Variants in SYTL3 observed in about 807,000 individuals in gnomAD.
The protein encoded by SYTL3 is synaptotagmin-like protein 3.
A neutral mutation model predicts 82.1 loss-of-function variants in SYTL3; 88 were observed. The observed-to-expected ratio is 1.07, with a 90% CI of 0.90 to 1.28. The LOEUF (loss-of-function observed/expected upper bound fraction) is 1.28. SYTL3 is among the 50% of genes most tolerant of loss of function. The pLI, the probability that SYTL3 is intolerant of heterozygous loss-of-function variation, is 0.00. For synonymous variants in SYTL3, 311 were observed against 289.4 expected (o/e 1.07, Z -0.76); for missense variants, 831 against 757.6 (o/e 1.10, Z -1.14).
intron 14 of SYTL3, among the ~76,000 whole-genome samples, chr6:158,759,555 C>T (rs979197386): frequency 9.2e-5 from 14 of 152,174 alleles, no homozygotes; most frequent in South Asian, 2.1e-4. Flanking sequence ...TATTTTGAGA[C>T]GGAGTTTTGC....
intron 11 of SYTL3, among the ~76,000 whole-genome samples, chr6:158,732,039 A>G (rs1785479174): frequency 6.6e-6 from 1 of 152,256 alleles, no homozygotes; most frequent in African/African-American, 2.4e-5. Context: ...AGGAAGACAT[A>G]GTAAGTTCCT....
chr6:158,690,995 C>T (rs1356443408), intron 6 of SYTL3, among the ~76,000 whole-genome samples: 1 of 152,148 alleles, frequency 6.6e-6, no homozygotes, highest in African/African-American at 2.4e-5. Context: ...GATTCAAATT[C>T]AACCTTCCTG....
At chr6:158,694,091 G>A (rs571552798) in intron 6 of SYTL3, among the ~76,000 whole-genome samples, 1 of 152,148 alleles carries the variant, frequency 6.6e-6, no homozygotes, top group Non-Finnish European at 1.5e-5. Context: ...AAAGAAGTGT[G>A]TGTCTTGGTA....
At position 158,664,883 on chromosome 6, in the gene SYTL3, G is replaced by A. The variant is rs889371239; in HGVS notation, c.111-512G>A. On this transcript the variant is annotated intron_variant, in intron 4 of 17. Coordinates refer to ENST00000611299, the MANE Select transcript of SYTL3 (RefSeq NM_001242394.2). ...TCTTTGCACTATGGCTATTTGTCTA[G>A]GGGAGTGGGCTGACCACTTATTAAA... 2.0e-5 allele frequency among the ~76,000 whole-genome samples: 3 copies of A among 148,678 alleles called. No individual in the cohort carries two copies. In the Admixed American group the frequency reaches 2.1e-4, roughly 10 times the overall value.
rs562340407 is a variant in SYTL3, at chr6:158,681,507, A to C, written c.330-1418A>C. ...AGCTTGGCTGACATGGCAAAAACCT[A>C]TCTCTACTAAAAATACAAAAATTAG... On this transcript the variant is annotated intron_variant, in intron 5 of 17. Coordinates refer to ENST00000611299, the MANE Select transcript of SYTL3 (RefSeq NM_001242394.2). 6.6e-5 allele frequency among the ~76,000 whole-genome samples: 10 copies of C among 152,162 alleles called. 1 individual carries two copies. In the South Asian group the frequency reaches 1.9e-3, roughly 28 times the overall value.
intron 1 of SYTL3, among the ~76,000 whole-genome samples, chr6:158,650,461 G>A (rs1320937437): frequency 6.6e-6 from 1 of 151,704 alleles, no homozygotes; most frequent in Admixed American, 6.6e-5. Context: ...TCTCTGAATC[G>A]ACTTTATTGT....
intron 12 of SYTL3, among the ~76,000 whole-genome samples, chr6:158,750,858 C>T (rs886088913): frequency 3.3e-5 from 5 of 152,118 alleles, no homozygotes; most frequent in African/African-American, 9.7e-5. Flanking sequence ...TGCAGTGGCG[C>T]GATCTCGGCT....
chr6:158,759,322 G>C (rs975340183), intron 14 of SYTL3, among the ~76,000 whole-genome samples: 1 of 152,212 alleles, frequency 6.6e-6, no homozygotes, highest in African/African-American at 2.4e-5. Flanking sequence ...GTTCCGCCTC[G>C]GTTTCTGGCC....
chr6:158,699,131 C>T (rs1159656274), intron 6 of SYTL3, among the ~76,000 whole-genome samples: 1 of 152,184 alleles, frequency 6.6e-6, no homozygotes, highest in African/African-American at 2.4e-5. Context: ...GAGGCCTAAC[C>T]ACACTGATGA....
chr6:158,744,066 G>A (rs908941161), intron 11 of SYTL3, among the ~76,000 whole-genome samples: 1 of 151,642 alleles, frequency 6.6e-6, no homozygotes, highest in Middle Eastern at 3.2e-3. Context: ...TTACAGGTAC[G>A]CGCCACTTGC....
At position 158,711,658 on chromosome 6, in the gene SYTL3, C is replaced by T. The variant is rs1782779033; in HGVS notation, c.517-2142C>T. Among the ~76,000 whole-genome samples, 3 of 152,320 alleles carry T rather than the reference C, an allele frequency of 2.0e-5. 1 individual carries two copies. The South Asian group carries it at 6.2e-4, about 32-fold the overall frequency. Reference sequence around the variant, plus strand: ...AGGAAAGTAAAGGAATAAAGAACGGCTACTCCATAGACAGAACAGCCCTGA... The same window carrying T: ...AGGAAAGTAAAGGAATAAAGAACGGTTACTCCATAGACAGAACAGCCCTGA... On this transcript the variant is annotated intron_variant, in intron 8 of 17. Coordinates refer to ENST00000611299, the MANE Select transcript of SYTL3 (RefSeq NM_001242394.2).
At chr6:158,686,426 G>C (rs1334866103) in intron 6 of SYTL3, among the ~76,000 whole-genome samples, 2 of 152,102 alleles carry the variant, frequency 1.3e-5, no homozygotes, top group Non-Finnish European at 2.9e-5. Flanking sequence ...TCCTGTTTCA[G>C]TAGAGTTGGG....
intron 11 of SYTL3, chr6:158,726,580 T>C: frequency 4.6e-6 from 1 of 217,318 alleles, no homozygotes; most frequent in Non-Finnish European, 1.0e-5. Flanking sequence ...TAAGGGCCAC[T>C]GAAGAACTGT....
intron 5 of SYTL3, among the ~76,000 whole-genome samples, chr6:158,678,317 T>C (rs1778292987): frequency 2.0e-5 from 3 of 152,188 alleles, no homozygotes; most frequent in Non-Finnish European, 4.4e-5. Context: ...TGCAGACCAA[T>C]TTTCTACTTC....
At chr6:158,697,107 A>G (rs1299189678) in intron 6 of SYTL3, among the ~76,000 whole-genome samples, 1 of 151,674 alleles carries the variant, frequency 6.6e-6, no homozygotes, top group African/African-American at 2.4e-5. Context: ...CCCAAAATGC[A>G]TCAAATACCT....
chr6:158,731,953 T>C (rs1351695669), intron 11 of SYTL3, among the ~76,000 whole-genome samples: 1 of 152,204 alleles, frequency 6.6e-6, no homozygotes, highest in Non-Finnish European at 1.5e-5. Flanking sequence ...AATTATGCCT[T>C]ATAAAGATTT....
intron 11 of SYTL3, among the ~76,000 whole-genome samples, chr6:158,745,049 A>G (rs543045877): frequency 9.9e-5 from 15 of 152,220 alleles, no homozygotes; most frequent in African/African-American, 3.1e-4. Flanking sequence ...AATGAGTGGC[A>G]GCACTAGCAT....
At chr6:158,762,418 T>G (rs1790101252) in intron 16 of SYTL3, among the ~76,000 whole-genome samples, 1 of 152,154 alleles carries the variant, frequency 6.6e-6, no homozygotes, top group African/African-American at 2.4e-5. Flanking sequence ...AAGCCAGTTT[T>G]GAAATCAAGC....
rs138380162 is a variant in SYTL3 at position 158,760,800 on chromosome 6, G to A, written c.1414+55G>A. ...TCTGTGTCATTGTCTGCAGAGCCTG[G>A]TGCTGCAGGCAGACTGAGGTGGGGT... On this transcript the variant is annotated intron_variant, in intron 15 of 17. Transcript: ENST00000611299. 995 of 1,426,890 alleles carry A rather than the reference G, an allele frequency of 7.0e-4. 8 individuals carry two copies. The African/African-American group carries it at 0.012, about 17-fold the overall frequency. 88.4% of individuals were successfully genotyped at this position (1,426,890 alleles called of 1,614,324 possible).
Sources: allele counts gnomAD v4.1 joint callset (sites outside exome capture counted in the v4.1 genomes callset), GRCh38; gene constraint gnomAD v4.1.1; transcripts MANE v1.5; gene names NCBI Gene and HGNC (gene_info 2026-07-23, HGNC 2026-07-21).